CHODL: variants seen among roughly 807,000 people sequenced by gnomAD.
CHODL encodes transmembrane protein MT75.
CHODL carries 29 observed loss-of-function variants against 34.5 expected under a neutral mutation model. That is an observed-to-expected ratio of 0.84 (90% confidence interval 0.63 to 1.15). The LOEUF is 1.15. Among genes scored for constraint, CHODL ranks in the 50% most tolerant of loss-of-function variants. The pLI, the probability that CHODL is intolerant of heterozygous loss-of-function variation, is 0.00. For synonymous variants in CHODL, 125 were observed against 116.1 expected, an observed-to-expected ratio of 1.08 and a Z score of -0.49; for missense variants, 332 against 332.5, an observed-to-expected ratio of 1.00 and a Z score of 0.01.
intron 1 of CHODL, among the ~76,000 whole-genome samples, chr21:17,990,878 T>C (rs2063791675): frequency 6.6e-6 from 1 of 152,114 alleles, no homozygotes; most frequent in Admixed American, 6.5e-5. Context: ...TTAATTAAAG[T>C]CACCCTACTG....
chr21:17,952,212 A>G (rs1302160332), intron 1 of CHODL, among the ~76,000 whole-genome samples: 17 of 151,224 alleles, frequency 1.1e-4, no homozygotes, highest in Admixed American at 6.6e-5. Context: ...AAAAAAAAAA[A>G]AAAGAAATAA....
At chr21:18,104,299 TAGTG>T (rs1346897732) in intron 2 of CHODL, among the ~76,000 whole-genome samples, 1 of 152,134 alleles carries the variant, frequency 6.6e-6, no homozygotes, top group Admixed American at 6.6e-5. Context: ...GCTCTCATGA[TAGTG>T]AGTTCTCATG....
At chr21:18,216,669 A>G (rs1324583566) in intron 2 of CHODL, among the ~76,000 whole-genome samples, 1 of 152,200 alleles carries the variant, frequency 6.6e-6, no homozygotes, top group Non-Finnish European at 1.5e-5. Flanking sequence ...TTTATAAAGG[A>G]AAGAGGTTTA....
chr21:17,949,027 A>G (rs564747409), intron 1 of CHODL, among the ~76,000 whole-genome samples: 1 of 152,304 alleles, frequency 6.6e-6, no homozygotes, highest in East Asian at 1.9e-4. Flanking sequence ...TAGAATACCT[A>G]ACTATGCAAC....
chr21:18,114,206 A>G (rs1375882111), intron 2 of CHODL, among the ~76,000 whole-genome samples: 1 of 152,138 alleles, frequency 6.6e-6, no homozygotes, highest in South Asian at 2.1e-4. Context: ...AGAAAGAATG[A>G]ATAAGACCTA....
In CHODL at chr21:18,262,832, C is replaced by A. The variant is rs375567185; in HGVS notation, c.676C>A (p.Pro226Thr). 7.5e-6 allele frequency: 12 copies of A among 1,609,378 alleles called. No individual in the cohort carries two copies. In the African/African-American group the frequency reaches 1.2e-4, roughly 16 times the overall value. ...AATTTATGTTGTTATACCAACAATACCCCTGCTCTTACTGATACTGGTTGC... is the reference window on the plus strand; with the variant it reads ...AATTTATGTTGTTATACCAACAATAACCCTGCTCTTACTGATACTGGTTGC... ...NLIYVVIPTIPLLLLILVAFG... is the reference protein window; with the variant it reads ...NLIYVVIPTITLLLLILVAFG... The change falls in exon 5 of 6, where the codon CCC becomes ACC. Residue 226 changes from proline (P) to threonine (T), a missense_variant. Physicochemically the swap from Pro to Thr is conservative, Grantham distance 38. Transcript: ENST00000299295.
At chr21:18,048,408 G>A (rs77384127) in intron 2 of CHODL, among the ~76,000 whole-genome samples, 1 of 151,862 alleles carries the variant, frequency 6.6e-6, no homozygotes, top group Non-Finnish European at 1.5e-5. Flanking sequence ...AAAAAACAAT[G>A]AGACATGGTT....
intron 2 of CHODL, among the ~76,000 whole-genome samples, chr21:18,110,975 C>T (rs568792625): frequency 2.0e-5 from 3 of 152,182 alleles, no homozygotes; most frequent in Non-Finnish European, 2.9e-5. Context: ...CCTATATGTT[C>T]TCCAGACATG....
intron 2 of CHODL, among the ~76,000 whole-genome samples, chr21:18,147,950 AATTGTAC>A (rs1308526612): frequency 1.1e-4 from 17 of 152,170 alleles, no homozygotes; most frequent in African/African-American, 3.9e-4. Context: ...GTTTAGGGGT[AATTGTAC>A]ATCTTATTTC....
chr21:18,092,292 A>T (rs2065083406), intron 2 of CHODL, among the ~76,000 whole-genome samples: 1 of 152,154 alleles, frequency 6.6e-6, no homozygotes, highest in South Asian at 2.1e-4. Flanking sequence ...ATGTGCAAAA[A>T]CCACAGCATT....
At chr21:18,202,269 A>G (rs1322574304) in intron 2 of CHODL, among the ~76,000 whole-genome samples, 3 of 152,206 alleles carry the variant, frequency 2.0e-5, no homozygotes, top group African/African-American at 7.2e-5. Flanking sequence ...GATAATGTGG[A>G]TGAAAAAAGG....
intron 2 of CHODL, among the ~76,000 whole-genome samples, chr21:18,058,506 T>TA (rs2064612530): frequency 6.6e-6 from 1 of 151,946 alleles, no homozygotes; most frequent in Non-Finnish European, 1.5e-5. Flanking sequence ...ACAATGGCCA[T>TA]AAAAAATAAT....
intron 2 of CHODL, among the ~76,000 whole-genome samples, chr21:18,186,183 G>T (rs1161640466): frequency 2.6e-5 from 4 of 152,076 alleles, no homozygotes; most frequent in Non-Finnish European, 5.9e-5. Flanking sequence ...CTGCAGAGGT[G>T]GCTCTAGCAG....
At chr21:18,069,015 C>T (rs1358044848) in intron 2 of CHODL, among the ~76,000 whole-genome samples, 3 of 152,086 alleles carry the variant, frequency 2.0e-5, no homozygotes, top group Non-Finnish European at 2.9e-5. Context: ...ATGAGGCCAA[C>T]ACATTCAGTA....
chr21:17,944,143 C>G (rs574826845), intron 1 of CHODL, among the ~76,000 whole-genome samples: 1 of 152,222 alleles, frequency 6.6e-6, no homozygotes, highest in Admixed American at 6.5e-5. Context: ...TAGGGAGACT[C>G]CCACTTCCAT....
At chr21:18,014,372 C>T (rs1471714753) in intron 1 of CHODL, among the ~76,000 whole-genome samples, 1 of 152,170 alleles carries the variant, frequency 6.6e-6, no homozygotes, top group African/African-American at 2.4e-5. Context: ...TGAATTAATG[C>T]AGGAACAGAA....
intron 2 of CHODL, among the ~76,000 whole-genome samples, chr21:18,232,948 T>TATAC (rs1555884638): frequency 9.0e-4 from 123 of 136,654 alleles, no homozygotes; most frequent in South Asian, 3.0e-3. Flanking sequence ...TTATGATATA[T>TATAC]ATATATATAT....
intron 3 of CHODL, among the ~76,000 whole-genome samples, chr21:18,258,646 C>A (rs1173045768): frequency 2.0e-5 from 3 of 151,932 alleles, no homozygotes; most frequent in Non-Finnish European, 4.4e-5. Context: ...CTACCCAAAT[C>A]TTCAAATAAT....
intron 2 of CHODL, among the ~76,000 whole-genome samples, chr21:18,185,165 C>T (rs2073426234): frequency 6.6e-6 from 1 of 152,154 alleles, no homozygotes; most frequent in East Asian, 1.9e-4. Flanking sequence ...TAATGCTATC[C>T]CTCCCCTAGC....
Sources: allele counts gnomAD v4.1 joint callset (sites outside exome capture counted in the v4.1 genomes callset), GRCh38; gene constraint gnomAD v4.1.1; transcripts MANE v1.5; gene names NCBI Gene and HGNC (gene_info 2026-07-23, HGNC 2026-07-21).